SH2B1: variants seen among roughly 807,000 people sequenced by gnomAD.
SH2B1 encodes SH2B adaptor protein 1.
A neutral mutation model predicts 62.6 loss-of-function variants in SH2B1; 15 were observed. That is an observed-to-expected ratio of 0.24 (90% confidence interval 0.16 to 0.37). SH2B1 has a LOEUF of 0.37. Ranked by LOEUF, SH2B1 falls within the 10% of genes least tolerant of loss-of-function variation. The probability of loss-of-function intolerance (pLI) is 1.00; values close to 1 mark genes in which losing one functional copy is unlikely to be tolerated. For missense variants in SH2B1, 925 were observed against 1,015.6 expected (o/e 0.91, Z 1.21); for synonymous variants, 443 against 438.0 (o/e 1.01, Z -0.14).
At chr16:28,870,505 A>C (rs1596629755) in intron 4 of SH2B1, among the ~76,000 whole-genome samples, 1 of 152,240 alleles carries the variant, frequency 6.6e-6, no homozygotes, top group East Asian at 1.9e-4. Flanking sequence ...AATTGGGTTA[A>C]AGTGGAAGAG....
Position 28,873,515 on chromosome 16 carries a change from G to A in SH2B1, c.1966G>A (p.Gly656Arg), listed in dbSNP as rs1474427015. ...PPSWTDPPQP[G>R]AEEASRAPEV... is the part of the protein sequence containing the mutation. ...TTCATGGACAGATCCCCCACAGCCTGGGGCAGAAGAGGCGTCGAGGGCGCC... is the reference window on the plus strand; with the variant it reads ...TTCATGGACAGATCCCCCACAGCCTAGGGCAGAAGAGGCGTCGAGGGCGCC... The change falls in exon 8 of 8, where the codon GGG becomes AGG. Residue 656 changes from glycine (G) to arginine (R), a missense_variant. Around this residue, in one of 3 missense-constraint regions of SH2B1, gnomAD observed 185 missense variants for 189.5 expected, o/e 0.98. Coordinates refer to ENST00000684370, the MANE Select transcript of SH2B1 (RefSeq NM_001387430.1). The surrounding 1 kb of genome is among the most constrained non-coding windows in gnomAD (Gnocchi z 4.2). The A allele has an allele frequency of 1.3e-6, 2 of 1,598,494 alleles. No homozygotes were observed. The highest frequency in any genetic ancestry group is 1.7e-6 in the Non-Finnish European group (2 of 1,173,744).
In SH2B1 at chr16:28,864,029, T is replaced by G. The variant is rs1962547687; in HGVS notation, c.-2066T>G. ...CCTGGCGCCCGAGAGGATTCCTGGGTGGGGGTGGGCGTGGAGGGCCGGGGG... is the reference window on the plus strand; with the variant it reads ...CCTGGCGCCCGAGAGGATTCCTGGGGGGGGGTGGGCGTGGAGGGCCGGGGG... On this transcript the variant is annotated 5_prime_UTR_variant, in exon 1 of 8. Transcript: ENST00000684370. 98 of 1,298,358 alleles carry G rather than the reference T, an allele frequency of 7.5e-5. No homozygotes were observed. The highest frequency in any genetic ancestry group is 3.1e-4 in the Middle Eastern group (1 of 3,252). The allele number at this position is 1,298,358 out of a possible 1,614,324, so 80.4% of individuals were successfully genotyped here. A position where few individuals can be genotyped will look rare whatever the true frequency, so the allele number is the denominator to read the frequency against.
rs1401234322 is a variant in SH2B1, at chr16:28,873,711, G to T, written c.2162G>T (p.Gly721Val). 1 of 1,500,476 alleles carries T rather than the reference G, an allele frequency of 6.7e-7. No individual in the cohort carries two copies. Among genetic ancestry groups the T allele is most frequent in the Non-Finnish European group, 8.9e-7 (1 of 1,123,188 alleles). 92.9% of individuals were successfully genotyped at this position (1,500,476 alleles called of 1,614,324 possible). ...GSEAQGAGSG[G>V]DAGVPPMVQL... is the part of the protein sequence containing the mutation. ...GAGGCCCAGGGCGCTGGGTCTGGTG[G>T]GGACGCGGGGGTGCCCCCAATGGTG... The change falls in exon 8 of 8, where the codon GGG becomes GTG. Residue 721 changes from glycine (G) to valine (V), a missense_variant. By Grantham distance (109) the Gly-to-Val change is moderately radical. Transcript: ENST00000684370. The surrounding 1 kb of genome is among the most constrained non-coding windows in gnomAD (Gnocchi z 4.2).
At chr16:28,857,787 T>G (rs1335219907) in intron 1 of SH2B1, among the ~76,000 whole-genome samples, 6 of 151,208 alleles carry the variant, frequency 4.0e-5, no homozygotes, top group Non-Finnish European at 5.9e-5. Context: ...TTGCCCAGGC[T>G]GGAGTGCAGT....
rs1470420514 is a variant in SH2B1 at position 28,872,891 on chromosome 16, G to A, written c.1897+186G>A. 3 of 799,222 alleles carry A rather than the reference G, an allele frequency of 3.8e-6. No homozygotes were observed. Among genetic ancestry groups the A allele is most frequent in the Non-Finnish European group, 6.0e-6 (3 of 499,168 alleles). 49.5% of individuals were successfully genotyped at this position (799,222 alleles called of 1,614,324 possible). A position where few individuals can be genotyped will look rare whatever the true frequency, so the allele number is the denominator to read the frequency against. The stretch of plus-strand genomic sequence containing the variant: ...AAAGAAATGCGCTGATAGGACACAG[G>A]AAGGCAGAAGGCTCCTGGCCGGAGC... On this transcript the variant is annotated intron_variant, in intron 7 of 7. Transcript: ENST00000684370. The surrounding 1 kb of genome is among the most constrained non-coding windows in gnomAD (Gnocchi z 5.3).
chr16:28,849,079 G>A (rs1962044402), intron 1 of SH2B1, among the ~76,000 whole-genome samples: 1 of 152,142 alleles, frequency 6.6e-6, no homozygotes, highest in African/African-American at 2.4e-5. Flanking sequence ...CTTAGGAAAG[G>A]CTGGTATCAT....
intron 1 of SH2B1, among the ~76,000 whole-genome samples, chr16:28,851,657 G>A (rs1276546019): frequency 6.6e-6 from 1 of 150,748 alleles, no homozygotes; most frequent in Admixed American, 6.6e-5. Context: ...TAGAGATGGA[G>A]TTTCACCATG....
intron 1 of SH2B1, among the ~76,000 whole-genome samples, chr16:28,848,991 C>T (rs995909658): frequency 7.9e-5 from 12 of 151,970 alleles, no homozygotes; most frequent in African/African-American, 2.9e-4. Context: ...TATAATTTAA[C>T]TCTCATTTTA....
At chr16:28,855,657 TGAGACAGAG>T in intron 1 of SH2B1, among the ~76,000 whole-genome samples, 1 of 151,204 alleles carries the variant, frequency 6.6e-6, no homozygotes. Flanking sequence ...ATTTTTTTTT[TGAGACAGAG>T]TCTTGTTCTG....
intron 1 of SH2B1, among the ~76,000 whole-genome samples, chr16:28,854,742 C>T (rs963899793): frequency 1.3e-5 from 2 of 152,224 alleles, no homozygotes; most frequent in East Asian, 1.9e-4. Flanking sequence ...GGTAACAGAA[C>T]GAGACCCTGT....
rs1963191536 is a variant in SH2B1, at chr16:28,873,900, G to C, written c.*80G>C. The C allele has an allele frequency of 4.6e-6, 6 of 1,291,810 alleles. No individual in the cohort carries two copies. Among genetic ancestry groups the C allele is most frequent in the Non-Finnish European group, 5.0e-6 (5 of 1,008,380 alleles). The allele number at this position is 1,291,810 out of a possible 1,614,324, so 80.0% of individuals were successfully genotyped here. A position where few individuals can be genotyped will look rare whatever the true frequency, so the allele number is the denominator to read the frequency against. ...GGGCTGGGTAGGGACAGAGGAGGCC[G>C]AAATCCCTCCCCCATGCTTCCTGAC... is the stretch of plus-strand genomic sequence containing the variant. On this transcript the variant is annotated 3_prime_UTR_variant, in exon 8 of 8. Coordinates refer to ENST00000684370, the MANE Select transcript of SH2B1 (RefSeq NM_001387430.1). The surrounding 1 kb of genome is among the most constrained non-coding windows in gnomAD (Gnocchi z 4.2).
Position 28,872,876 on chromosome 16 carries a change from G to A in SH2B1, c.1897+171G>A, listed in dbSNP as rs534907209. The A allele has an allele frequency of 2.0e-5, 18 of 920,914 alleles. No individual in the cohort carries two copies. Among genetic ancestry groups the A allele is most frequent in the Admixed American group, 8.6e-5 (4 of 46,536 alleles). The allele number at this position is 920,914 out of a possible 1,614,324, so 57.0% of individuals were successfully genotyped here. On this transcript the variant is annotated intron_variant, in intron 7 of 7. Coordinates refer to ENST00000684370, the MANE Select transcript of SH2B1 (RefSeq NM_001387430.1). The surrounding 1 kb of genome is among the most constrained non-coding windows in gnomAD (Gnocchi z 5.3). ...CGGGGTTTGGAAGGGAAAGAAATGC[G>A]CTGATAGGACACAGGAAGGCAGAAG...
chr16:28,872,517 C>A lies in SH2B1; in HGVS notation c.1726-17C>A. ...GGGCCTTTGCCTCCTACCTCACCTC[C>A]CCCATCCCGCCCTCAGCACCTGCGT... On this transcript the variant is annotated splice_polypyrimidine_tract_variant and intron_variant, in intron 6 of 7. Transcript: ENST00000684370. The surrounding 1 kb of genome is among the most constrained non-coding windows in gnomAD (Gnocchi z 5.3). 1 of 1,602,724 alleles carries A rather than the reference C, an allele frequency of 6.2e-7. No homozygotes were observed. The highest frequency in any genetic ancestry group is 8.5e-7 in the Non-Finnish European group (1 of 1,172,362).
At chr16:28,859,718 AAAAG>A (rs1359509480), upstream of SH2B1, among the ~76,000 whole-genome samples, 1 of 152,030 alleles carries the variant, frequency 6.6e-6, no homozygotes, top group Non-Finnish European at 1.5e-5. Context: ...AGGAAAAAAA[AAAAG>A]AGAGAGAGAA....
At chr16:28,850,560 C>T (rs56040780) in intron 1 of SH2B1, among the ~76,000 whole-genome samples, 51,815 of 150,346 alleles carry the variant, frequency 0.34, 9,503 homozygotes, top group Admixed American at 0.41. Context: ...TGCCAGACCA[C>T]GTCTCTAAAA....
At chr16:28,847,590 G>A (rs1403016287) in intron 1 of SH2B1, among the ~76,000 whole-genome samples, 2 of 152,070 alleles carry the variant, frequency 1.3e-5, no homozygotes, top group Non-Finnish European at 2.9e-5. Context: ...GGCTGAGGTG[G>A]GAGGACGGTT....
At chr16:28,856,043 G>A (rs187669041) in intron 1 of SH2B1, among the ~76,000 whole-genome samples, 25 of 149,410 alleles carry the variant, frequency 1.7e-4, no homozygotes, top group African/African-American at 5.9e-4. Context: ...TTGGGACACC[G>A]AGGTGGATGA....
chr16:28,872,525 C>T lies in SH2B1; in HGVS notation c.1726-9C>T, dbSNP rs762229337. On this transcript the variant is annotated splice_polypyrimidine_tract_variant and intron_variant, in intron 6 of 7. Transcript: ENST00000684370. This position sits in a 1 kb window ranked among gnomAD's most constrained non-coding sequence, Gnocchi z 5.3. The stretch of plus-strand genomic sequence containing the variant: ...GCCTCCTACCTCACCTCCCCCATCC[C>T]GCCCTCAGCACCTGCGTTTGTCGCT... 41 of 1,606,368 alleles carry T rather than the reference C, an allele frequency of 2.6e-5. 1 individual carries two copies. The highest frequency in any genetic ancestry group is 1.7e-4 in the South Asian group (15 of 90,340).
rs750987453 is a variant in SH2B1, at chr16:28,852,469, T to C, written c.-301+5642T>C. Among the ~76,000 whole-genome samples, 78 of 83,486 alleles carry C rather than the reference T, an allele frequency of 9.3e-4. 19 individuals are homozygous for C. Among genetic ancestry groups the C allele is most frequent in the East Asian group, 2.0e-3 (5 of 2,460 alleles). 54.8% of individuals were successfully genotyped at this position (83,486 alleles called of 152,430 possible). On this transcript the variant is annotated intron_variant, in intron 1 of 10. Coordinates refer to the SH2B1 transcript ENST00000322610. ...ATATTTACATATATATTTATATATA[T>C]ACATATATATTTATATATACATACA...
Sources: gnomAD v4.1 joint callset for allele counts (sites outside exome capture counted in the v4.1 genomes callset) on GRCh38, gnomAD v4.1.1 for gene constraint, gnomAD v4.1.1 regional missense constraint, Gnocchi (gnomAD v3.1) non-coding constraint, MANE v1.5 for transcripts, NCBI Gene and HGNC (gene_info 2026-07-23, HGNC 2026-07-21) for gene names.